Variants in OSBPL3 observed in about 807,000 individuals in gnomAD.
OSBPL3 encodes the protein oxysterol binding protein like 3.
Under a neutral mutation model 120.1 loss-of-function variants are expected in OSBPL3, and 65 were observed. The observed-to-expected ratio is 0.54, with a 90% CI of 0.44 to 0.67. OSBPL3 has a LOEUF of 0.67. OSBPL3 is among the 30% of genes least tolerant of loss of function. OSBPL3 has a pLI of 0.00. For missense variants in OSBPL3, 1,004 were observed against 1,082.1 expected (o/e 0.93, Z 1.01); for synonymous variants, 416 against 402.6 (o/e 1.03, Z -0.40).
At chr7:24,837,958 C>T (rs904580419) in intron 14 of OSBPL3, among the ~76,000 whole-genome samples, 1 of 152,160 alleles carries the variant, frequency 6.6e-6, no homozygotes, top group South Asian at 2.1e-4. Context: ...CTCTAAAAAC[C>T]TCATGTTTAC....
chr7:24,925,578 GT>G (rs1353608705), intron 1 of OSBPL3, among the ~76,000 whole-genome samples: 3 of 152,176 alleles, frequency 2.0e-5, no homozygotes, highest in African/African-American at 7.2e-5. Context: ...TTCCTTTCAA[GT>G]TTAACTCCTG....
intron 19 of OSBPL3, 46 bp from the exon 20 acceptor site, chr7:24,809,997 A>C: frequency 6.2e-7 from 1 of 1,601,178 alleles, no homozygotes; most frequent in Non-Finnish European, 8.6e-7. Context: ...GCATCAGCTT[A>C]TTACAGATAT....
intron 1 of OSBPL3, among the ~76,000 whole-genome samples, chr7:24,911,298 C>T (rs899900077): frequency 2.6e-5 from 4 of 152,164 alleles, no homozygotes; most frequent in Admixed American, 1.3e-4. Context: ...CTCCCTTAAC[C>T]GACAACTGCT....
rs1554412107 is a variant in OSBPL3 at position 24,940,828 on chromosome 7, T to TTTG, written c.-150+39057_-150+39058insCAA. Among the ~76,000 whole-genome samples the TTTG allele has an allele frequency of 2.1e-3, 320 of 151,082 alleles. 3 individuals are homozygous for TTTG. The highest frequency in any genetic ancestry group is 6.5e-3 in the African/African-American group (267 of 41,242). On this transcript the variant is annotated intron_variant, in intron 1 of 22. Coordinates refer to ENST00000313367, the MANE Select transcript of OSBPL3 (RefSeq NM_015550.4). The surrounding 1 kb of genome is among the most constrained non-coding windows in gnomAD (Gnocchi z 4.4). ...TTCTTCCTTTTTTTTCTTTTTTTTTTTGTGTGTGTGTGACGGAGTCTCGCT... is the reference window on the plus strand; with the variant it reads ...TTCTTCCTTTTTTTTCTTTTTTTTTTTTGTGTGTGTGTGTGACGGAGTCTCGCT...
rs1813344286 is a variant in OSBPL3 at position 24,943,563 on chromosome 7, G to C, written c.-150+36323C>G. Among the ~76,000 whole-genome samples, 3 of 152,156 alleles carry C rather than the reference G, an allele frequency of 2.0e-5. No individual in the cohort carries two copies. In the South Asian group the frequency reaches 6.2e-4, roughly 32 times the overall value. ...AAATAACAGCATACCTTTCTAAGAA[G>C]AGTTCCGTTAAACTAGATAAGATCA... On this transcript the variant is annotated intron_variant, in intron 1 of 22. Transcript: ENST00000313367.
In OSBPL3 at chr7:24,852,811, G is replaced by A. The variant is rs1041236193; in HGVS notation, c.1028-177C>T. On this transcript the variant is annotated intron_variant, in intron 10 of 22. Coordinates refer to ENST00000313367, the MANE Select transcript of OSBPL3 (RefSeq NM_015550.4). The surrounding 1 kb of genome is among the most constrained non-coding windows in gnomAD (Gnocchi z 4.1). Reference sequence around the variant, plus strand: ...AAAACACATTTGCCATGTAGAACACGCTAATGTAAACTAAGGCCTCTGGAT... The same window carrying A: ...AAAACACATTTGCCATGTAGAACACACTAATGTAAACTAAGGCCTCTGGAT... Among the ~76,000 whole-genome samples, 4 of 152,048 alleles carry A rather than the reference G, an allele frequency of 2.6e-5. No homozygotes were observed. Among genetic ancestry groups the A allele is most frequent in the African/African-American group, 7.2e-5 (3 of 41,382 alleles).
chr7:24,813,929 T>C lies in OSBPL3; in HGVS notation c.2172+1130A>G, dbSNP rs1046079379. On this transcript the variant is annotated intron_variant, in intron 19 of 22. Transcript: ENST00000313367. This position sits in a 1 kb window ranked among gnomAD's most constrained non-coding sequence, Gnocchi z 4.5. The stretch of plus-strand genomic sequence containing the variant: ...TTTTTCCATTTATTCTCTGAATGTT[T>C]ATGAGTCTCTCATGTGTGCCAGACA... Among the ~76,000 whole-genome samples, 5 of 152,228 alleles carry C rather than the reference T, an allele frequency of 3.3e-5. No homozygotes were observed. The highest frequency in any genetic ancestry group is 5.9e-5 in the Non-Finnish European group (4 of 68,042).
At chr7:24,840,627 T>C (rs1246395636) in intron 14 of OSBPL3, 63 bp downstream of exon 14, 3 of 681,642 alleles carry the variant, frequency 4.4e-6, no homozygotes, top group East Asian at 2.9e-5. Flanking sequence ...GAGTCAACTA[T>C]ACAACTTATT....
In OSBPL3 at chr7:24,830,802, C is replaced by T. The variant is rs942617462; in HGVS notation, c.1850G>A (p.Arg617Gln). The change falls in exon 16 of 23, where the codon CGG becomes CAG. Residue 617 changes from arginine to glutamine, a missense_variant. Coordinates refer to ENST00000313367, the MANE Select transcript of OSBPL3 (RefSeq NM_015550.4). This position sits in a 1 kb window ranked among gnomAD's most constrained non-coding sequence, Gnocchi z 4.4. The part of the protein sequence containing the change: ...PVLGETYECI[R>Q]EDKGFQFFSE... ...AAAAAACTGGAAGCCCTTGTCCTCCCGAATACATTCATATGTTTCTCCAAG... is the reference window on the plus strand; with the variant it reads ...AAAAAACTGGAAGCCCTTGTCCTCCTGAATACATTCATATGTTTCTCCAAG... The T allele has an allele frequency of 7.4e-6, 12 of 1,613,650 alleles. No homozygotes were observed. The highest frequency in any genetic ancestry group is 1.0e-5 in the Non-Finnish European group (12 of 1,179,936).
intron 1 of OSBPL3, among the ~76,000 whole-genome samples, chr7:24,976,954 C>G (rs1817653014): frequency 6.6e-6 from 1 of 152,154 alleles, no homozygotes; most frequent in African/African-American, 2.4e-5. Flanking sequence ...CCATGCCACT[C>G]TTCCCCAACT....
At chr7:24,923,511 A>T (rs995249526) in intron 1 of OSBPL3, among the ~76,000 whole-genome samples, 1 of 152,112 alleles carries the variant, frequency 6.6e-6, no homozygotes, top group African/African-American at 2.4e-5. Flanking sequence ...CTGCCAGGGC[A>T]GCTATTTTTA....
At position 24,918,516 on chromosome 7, in the gene OSBPL3, A is replaced by G. The variant is rs1319628938; in HGVS notation, c.-149-25895T>C. Among the ~76,000 whole-genome samples the G allele has an allele frequency of 6.6e-6, 1 of 152,230 alleles. No individual in the cohort carries two copies. On this transcript the variant is annotated intron_variant, in intron 1 of 22. Transcript: ENST00000313367. The surrounding 1 kb of genome is among the most constrained non-coding windows in gnomAD (Gnocchi z 4.3). ...TACTCATGAAAATCTTGTGGAAAAT[A>G]CCTCATAATTAAATATTCACACAAC...
intron 1 of OSBPL3, among the ~76,000 whole-genome samples, chr7:24,903,826 T>C (rs1476344000): frequency 6.6e-6 from 1 of 151,608 alleles, no homozygotes; most frequent in East Asian, 1.9e-4. Context: ...GGTTTTGCTG[T>C]AGGGTTGACT....
At chr7:24,878,267 C>T (rs745347405) in intron 2 of OSBPL3, among the ~76,000 whole-genome samples, 1 of 152,118 alleles carries the variant, frequency 6.6e-6, no homozygotes, top group Non-Finnish European at 1.5e-5. Flanking sequence ...AAATAGAAAA[C>T]GATTAAAACT....
chr7:24,916,822 G>A lies in OSBPL3; in HGVS notation c.-149-24201C>T, dbSNP rs148286343. Among the ~76,000 whole-genome samples, 22 of 152,112 alleles carry A rather than the reference G, an allele frequency of 1.4e-4. No homozygotes were observed. The highest frequency in any genetic ancestry group is 5.2e-4 in the Admixed American group (8 of 15,286). ...TGTAAATGGAAACTTCCCATGCTGG[G>A]ATTCCCAGCTGTGCTGCTGTTACAC... On this transcript the variant is annotated intron_variant, in intron 1 of 22. Transcript: ENST00000313367. The surrounding 1 kb of genome is among the most constrained non-coding windows in gnomAD (Gnocchi z 4.9).
intron 5 of OSBPL3, among the ~76,000 whole-genome samples, chr7:24,868,338 A>AAGT (rs1240437426): frequency 1.5e-5 from 2 of 137,910 alleles, no homozygotes; most frequent in African/African-American, 5.5e-5. Flanking sequence ...AAAAAAAAAA[A>AAGT]GTGTGTGTGT....
At chr7:24,828,606 G>GAA (rs1190652256) in intron 16 of OSBPL3, among the ~76,000 whole-genome samples, 20 of 32,510 alleles carry the variant, frequency 6.2e-4, no homozygotes, top group African/African-American at 9.8e-4. Context: ...GACTCTGTCT[G>GAA]AAAAAAAAAA....
At chr7:24,979,779 C>A in intron 1 of OSBPL3, 107 bp downstream of exon 1, 1 of 613,854 alleles carries the variant, frequency 1.6e-6, no homozygotes, top group Non-Finnish European at 2.0e-6. Context: ...AGACCCCGGT[C>A]CGGCAGAGAA....
chr7:24,981,256 G>T (rs985190447), upstream of OSBPL3: 1 of 152,254 alleles, frequency 6.6e-6, no homozygotes, highest in Non-Finnish European at 1.5e-5. The surrounding 1 kb of genome is among the most constrained non-coding windows in gnomAD (Gnocchi z 7.3). Flanking sequence ...CTCACCCTGA[G>T]GGCCTCTAGG....
Sources: gnomAD v4.1 joint callset for allele counts (sites outside exome capture counted in the v4.1 genomes callset) on GRCh38, gnomAD v4.1.1 for gene constraint, Gnocchi (gnomAD v3.1) non-coding constraint, MANE v1.5 for transcripts, NCBI Gene and HGNC (gene_info 2026-07-23, HGNC 2026-07-21) for gene names.